The following ANKFN1 variants were observed in gnomAD, a reference collection of about 807,000 sequenced individuals.
ANKFN1 encodes the protein ankyrin repeat and fibronectin type III domain containing 1.
ANKFN1 carries 74 observed loss-of-function variants against 108.7 expected under a neutral mutation model. The observed-to-expected ratio is 0.68, with a 90% CI of 0.56 to 0.83. The LOEUF is 0.83. ANKFN1 is among the 40% of genes least tolerant of loss of function. The pLI is 0.00. For synonymous variants in ANKFN1, 547 were observed against 516.2 expected (o/e 1.06, Z -0.81); for missense variants, 1,505 against 1,382.3 (o/e 1.09, Z -1.41).
intron 4 of ANKFN1, among the ~76,000 whole-genome samples, chr17:56,110,472 G>A (rs1905899545): frequency 6.6e-6 from 1 of 152,172 alleles, no homozygotes; most frequent in African/African-American, 2.4e-5. Context: ...TAGTCGATTA[G>A]TGTCTGTCTC....
At chr17:56,484,968 TC>T (rs896605283) in intron 18 of ANKFN1, among the ~76,000 whole-genome samples, 5 of 152,188 alleles carry the variant, frequency 3.3e-5, no homozygotes, top group African/African-American at 1.2e-4. Context: ...CTAGCCTGTT[TC>T]TGTGAGACTC....
At chr17:56,196,424 G>C (rs1913511800) in intron 1 of ANKFN1, among the ~76,000 whole-genome samples, 1 of 152,154 alleles carries the variant, frequency 6.6e-6, no homozygotes, top group African/African-American at 2.4e-5. Flanking sequence ...AGGAGGACTG[G>C]ATCAAGTGCC....
intron 2 of ANKFN1, among the ~76,000 whole-genome samples, chr17:56,226,278 A>G (rs1380063312): frequency 6.6e-6 from 1 of 152,186 alleles, no homozygotes; most frequent in African/African-American, 2.4e-5. Context: ...TTGTCGGGTC[A>G]AACTATAGAA....
intron 11 of ANKFN1, among the ~76,000 whole-genome samples, chr17:56,455,354 GC>G (rs938136456): frequency 1.8e-4 from 27 of 152,140 alleles, no homozygotes; most frequent in Non-Finnish European, 5.9e-5. Context: ...TTTCCAAGCA[GC>G]CAAACTCATG....
chr17:56,304,847 A>T (rs553784204), intron 3 of ANKFN1, among the ~76,000 whole-genome samples: 12 of 152,172 alleles, frequency 7.9e-5, no homozygotes, highest in Non-Finnish European at 1.6e-4. Flanking sequence ...AAACCTCTTC[A>T]GTGAAATATC....
At chr17:56,067,580 G>A (rs971060082) in intron 4 of ANKFN1, among the ~76,000 whole-genome samples, 20 of 152,112 alleles carry the variant, frequency 1.3e-4, no homozygotes, top group Non-Finnish European at 5.9e-5. Flanking sequence ...TCTATGAAAG[G>A]CTGTCACATT....
chr17:56,484,927 C>T (rs1253140013), intron 18 of ANKFN1, among the ~76,000 whole-genome samples: 1 of 152,090 alleles, frequency 6.6e-6, no homozygotes, highest in Non-Finnish European at 1.5e-5. Flanking sequence ...CTCCTAAGGC[C>T]CTGAAGGTCC....
At chr17:56,281,955 C>T (rs1344312277) in intron 3 of ANKFN1, among the ~76,000 whole-genome samples, 3 of 152,074 alleles carry the variant, frequency 2.0e-5, no homozygotes, top group Non-Finnish European at 4.4e-5. Context: ...CATATCCCTA[C>T]CTTAGGACCC....
intron 2 of ANKFN1, among the ~76,000 whole-genome samples, chr17:56,213,364 CT>C (rs1253056341): frequency 1.3e-5 from 2 of 152,136 alleles, no homozygotes; most frequent in African/African-American, 4.8e-5. Context: ...AGCCTACCCC[CT>C]ATAGAAACAT....
intron 4 of ANKFN1, among the ~76,000 whole-genome samples, chr17:56,144,626 T>G (rs1183718812): frequency 6.6e-6 from 1 of 152,180 alleles, no homozygotes; most frequent in African/African-American, 2.4e-5. Context: ...ATGGGTTTTT[T>G]TCCTCAGGAG....
At chr17:56,167,653 T>A (rs1910276518) in intron 1 of ANKFN1, among the ~76,000 whole-genome samples, 1 of 152,172 alleles carries the variant, frequency 6.6e-6, no homozygotes, top group South Asian at 2.1e-4. Flanking sequence ...TGGTTTAGCA[T>A]GACAAAAGTT....
intron 4 of ANKFN1, among the ~76,000 whole-genome samples, chr17:56,114,095 C>T (rs1266834363): frequency 6.6e-6 from 1 of 152,156 alleles, no homozygotes; most frequent in African/African-American, 2.4e-5. Flanking sequence ...GGGATCTGTG[C>T]CTCCAACTGC....
chr17:56,427,794 A>C lies in ANKFN1; in HGVS notation c.911-12533A>C, dbSNP rs1284971272. On this transcript the variant is annotated intron_variant, in intron 8 of 20. Transcript: ENST00000682825. ...CCCATATGGATTTGGGAGGCAGATA[A>C]GAGAGACAGGAGTTTGAATCCAGCT... Among the ~76,000 whole-genome samples the C allele has an allele frequency of 2.6e-5, 4 of 152,168 alleles. No individual in the cohort carries two copies. In the East Asian group the frequency reaches 7.7e-4, roughly 29 times the overall value.
Position 56,375,739 on chromosome 17 carries a change from T to G in ANKFN1, c.910+1025T>G, listed in dbSNP as rs554057840. On this transcript the variant is annotated intron_variant, in intron 8 of 20. Coordinates refer to ENST00000682825, the MANE Select transcript of ANKFN1 (RefSeq NM_001370326.1). ...GGGAAAGCCCAAAGGAAAAATGTAC[T>G]GCAGAGGTATTGTGATGACAACAGC... Among the ~76,000 whole-genome samples the G allele has an allele frequency of 1.5e-4, 23 of 152,278 alleles. 1 individual carries two copies. In the South Asian group the frequency reaches 3.9e-3, roughly 26 times the overall value.
intron 3 of ANKFN1, among the ~76,000 whole-genome samples, chr17:56,269,563 G>A (rs2043738902): frequency 2.6e-5 from 4 of 152,284 alleles, no homozygotes; most frequent in Admixed American, 2.6e-4. Context: ...CAGCCTAAAA[G>A]ATAGAGTCAG....
rs535905900 is a variant in ANKFN1, at chr17:56,200,599, C to T, written c.-70-11999C>T. ...CCCAGCTCAACTCCCTCTTGCCCTTCGGAGTGGCCCCTTAAGGAACTCTGT... is the reference window on the plus strand; with the variant it reads ...CCCAGCTCAACTCCCTCTTGCCCTTTGGAGTGGCCCCTTAAGGAACTCTGT... On this transcript the variant is annotated intron_variant, in intron 1 of 20. Coordinates refer to ENST00000682825, the MANE Select transcript of ANKFN1 (RefSeq NM_001370326.1). 1.4e-3 allele frequency among the ~76,000 whole-genome samples: 217 copies of T among 152,322 alleles called. 3 individuals carry two copies. The highest frequency in any genetic ancestry group is 1.5e-3 in the Non-Finnish European group (102 of 68,026).
At chr17:56,440,264 T>C in intron 8 of ANKFN1, 63 bp from the exon 9 acceptor site, 1 of 1,021,192 alleles carries the variant, frequency 9.8e-7, no homozygotes. Flanking sequence ...TGGTACTTCT[T>C]GATGTGTGAC....
intron 6 of ANKFN1, among the ~76,000 whole-genome samples, chr17:56,357,786 T>C (rs2046412840): frequency 6.6e-6 from 1 of 152,096 alleles, no homozygotes; most frequent in Non-Finnish European, 1.5e-5. Flanking sequence ...AGGCAGGATA[T>C]ATAAGAGAGG....
intron 4 of ANKFN1, among the ~76,000 whole-genome samples, chr17:56,100,415 T>C (rs1334854066): frequency 1.3e-5 from 2 of 152,208 alleles, no homozygotes; most frequent in African/African-American, 4.8e-5. Flanking sequence ...GAGACAATAT[T>C]TTCCTTCAGA....
Sources: gnomAD v4.1 joint callset for allele counts (sites outside exome capture counted in the v4.1 genomes callset) on GRCh38, gnomAD v4.1.1 for gene constraint, MANE v1.5 for transcripts, NCBI Gene and HGNC (gene_info 2026-07-23, HGNC 2026-07-21) for gene names.